Variants in SNX29 observed in about 807,000 individuals in gnomAD.
SNX29 encodes the protein sorting nexin 29.
Under a neutral mutation model 102.1 loss-of-function variants are expected in SNX29, and 78 were observed. That is an observed-to-expected ratio of 0.76 (90% confidence interval 0.64 to 0.92). SNX29 has a LOEUF of 0.92. Ranked by LOEUF, SNX29 falls within the 40% of genes least tolerant of loss-of-function variation. The probability of loss-of-function intolerance (pLI) is 0.00; values close to 1 mark genes in which losing one functional copy is unlikely to be tolerated. For synonymous variants in SNX29, 580 were observed against 414.5 expected (o/e 1.40, Z -4.85); for missense variants, 1,280 against 1,061.7 (o/e 1.21, Z -2.86).
intron 15 of SNX29, among the ~76,000 whole-genome samples, chr16:12,350,591 G>A (rs1228451911): frequency 6.6e-6 from 1 of 152,138 alleles, no homozygotes; most frequent in East Asian, 1.9e-4. Flanking sequence ...TCACATCAGC[G>A]AGAGTTCAGA....
At chr16:12,537,812 T>G (rs1243247268) in intron 20 of SNX29, among the ~76,000 whole-genome samples, 1 of 152,022 alleles carries the variant, frequency 6.6e-6, no homozygotes, top group African/African-American at 2.4e-5. Flanking sequence ...CAGAGAGGTG[T>G]GTCCACAGCA....
chr16:12,199,665 G>C lies in SNX29; in HGVS notation c.1660G>C (p.Glu554Gln). The C allele has an allele frequency of 6.2e-7, 1 of 1,612,312 alleles. No homozygotes were observed. The highest frequency in any genetic ancestry group is 1.1e-5 in the South Asian group (1 of 90,618). The change falls in exon 14 of 21, where the codon GAA becomes CAA. Residue 554 changes from glutamate to glutamine, a missense_variant. Coordinates refer to ENST00000566228, the MANE Select transcript of SNX29 (RefSeq NM_032167.5). ...YVGAVQMLKR[E>Q]GQTAEVPNLW... ...AGGAGCTGTCCAGATGCTGAAAAGA[G>C]AAGGTCAAACAGCTGAAGGTGAGGG...
At chr16:12,099,708 C>T (rs529369340) in intron 11 of SNX29, among the ~76,000 whole-genome samples, 13 of 152,208 alleles carry the variant, frequency 8.5e-5, no homozygotes, top group Non-Finnish European at 1.8e-4. Flanking sequence ...CACCAGCCTG[C>T]TGTGCCCTTT....
chr16:12,169,462 C>T (rs2076094464), intron 13 of SNX29, among the ~76,000 whole-genome samples: 1 of 152,170 alleles, frequency 6.6e-6, no homozygotes, highest in Non-Finnish European at 1.5e-5. Context: ...AGGGCCTGGG[C>T]TGGGGATGGT....
intron 20 of SNX29, among the ~76,000 whole-genome samples, chr16:12,549,558 T>G (rs954390525): frequency 3.4e-5 from 5 of 146,880 alleles, no homozygotes; most frequent in African/African-American, 1.3e-4. Context: ...TGGAGTGGGC[T>G]TCCACCCTGG....
intron 16 of SNX29, among the ~76,000 whole-genome samples, chr16:12,385,612 G>A (rs1046836174): frequency 6.6e-6 from 1 of 152,200 alleles, no homozygotes. Flanking sequence ...GGGGGCTGTA[G>A]TTACCTCCCA....
intron 11 of SNX29, among the ~76,000 whole-genome samples, chr16:12,121,591 G>A (rs761254893): frequency 3.2e-4 from 49 of 152,180 alleles, no homozygotes; most frequent in African/African-American, 7.5e-4. Flanking sequence ...AACACCTGCC[G>A]CTTTGCCAGA....
intron 18 of SNX29, among the ~76,000 whole-genome samples, chr16:12,472,434 A>G (rs1300033701): frequency 6.6e-6 from 1 of 150,650 alleles, no homozygotes; most frequent in East Asian, 2.0e-4. Context: ...CGGGAGAATC[A>G]CTTGAACCTG....
chr16:12,476,236 C>A (rs1465951812), intron 18 of SNX29, among the ~76,000 whole-genome samples: 1 of 147,256 alleles, frequency 6.8e-6, no homozygotes, highest in Non-Finnish European at 1.5e-5. Flanking sequence ...GCAGGAGAAT[C>A]GCTTGAACTT....
At chr16:12,231,121 G>A (rs1456423780) in intron 14 of SNX29, among the ~76,000 whole-genome samples, 4 of 152,068 alleles carry the variant, frequency 2.6e-5, no homozygotes, top group African/African-American at 7.2e-5. Flanking sequence ...CCAAAGTGCT[G>A]GAATTACAGA....
intron 13 of SNX29, among the ~76,000 whole-genome samples, chr16:12,130,564 T>C (rs1156845072): frequency 1.3e-5 from 2 of 150,526 alleles, no homozygotes; most frequent in Non-Finnish European, 2.9e-5. Flanking sequence ...AAATAGTATA[T>C]ATGCACGTGG....
intron 20 of SNX29, among the ~76,000 whole-genome samples, chr16:12,543,860 C>A (rs1457557199): frequency 6.6e-6 from 1 of 152,228 alleles, no homozygotes; most frequent in Non-Finnish European, 1.5e-5. Flanking sequence ...AGTGGTGGAA[C>A]ATCCTCTTAC....
chr16:12,556,901 T>G (rs1446541201), intron 20 of SNX29, among the ~76,000 whole-genome samples: 1 of 151,400 alleles, frequency 6.6e-6, no homozygotes, highest in Non-Finnish European at 1.5e-5. Context: ...CTCCTCACCT[T>G]GAGTGTAGTG....
chr16:12,280,038 G>T (rs147095999), intron 15 of SNX29, among the ~76,000 whole-genome samples: 1 of 152,184 alleles, frequency 6.6e-6, no homozygotes, highest in Non-Finnish European at 1.5e-5. Context: ...CAGCGTGTAG[G>T]GGTGGGGTGG....
intron 18 of SNX29, among the ~76,000 whole-genome samples, chr16:12,476,166 C>T (rs1462099840): frequency 1.3e-5 from 2 of 149,726 alleles, no homozygotes; most frequent in Non-Finnish European, 3.0e-5. Flanking sequence ...ACTAAAAATA[C>T]AAAAAATTAG....
At chr16:12,176,825 T>G (rs1260711172) in intron 13 of SNX29, among the ~76,000 whole-genome samples, 2 of 152,218 alleles carry the variant, frequency 1.3e-5, no homozygotes, top group South Asian at 2.1e-4. Flanking sequence ...TCTCATTTGT[T>G]CTCAGTGATT....
chr16:12,288,261 C>G (rs1196127436), intron 15 of SNX29, among the ~76,000 whole-genome samples: 23 of 152,174 alleles, frequency 1.5e-4, no homozygotes, highest in Admixed American at 1.5e-3. Flanking sequence ...GGTGCCATGT[C>G]AGTTTACCAT....
At chr16:12,230,533 T>G (rs959048052) in intron 14 of SNX29, among the ~76,000 whole-genome samples, 2 of 152,198 alleles carry the variant, frequency 1.3e-5, no homozygotes, top group Non-Finnish European at 2.9e-5. Flanking sequence ...GCCTAAATAC[T>G]GGAAGGGCCT....
At chr16:12,261,064 A>C (rs1383772905) in intron 14 of SNX29, among the ~76,000 whole-genome samples, 1 of 123,268 alleles carries the variant, frequency 8.1e-6, no homozygotes, top group East Asian at 2.7e-4. Flanking sequence ...GGGTCTGCGC[A>C]TGAGTCCCTG....
Sources: gnomAD v4.1 joint callset for allele counts (sites outside exome capture counted in the v4.1 genomes callset) on GRCh38, gnomAD v4.1.1 for gene constraint, MANE v1.5 for transcripts, NCBI Gene and HGNC (gene_info 2026-07-23, HGNC 2026-07-21) for gene names.